The following SLC9A8 variants were observed in gnomAD, a reference collection of about 807,000 sequenced individuals.
SLC9A8 encodes the protein solute carrier family 9 member A8.
Under a neutral mutation model 66.6 loss-of-function variants are expected in SLC9A8, and 48 were observed. The ratio of observed to expected loss-of-function variants is 0.72; its 90% CI spans 0.57 to 0.92. The LOEUF (loss-of-function observed/expected upper bound fraction) is 0.92, where lower values mean the gene tolerates loss of function less well. Among genes scored for constraint, SLC9A8 ranks in the 40% least tolerant of loss-of-function variants. SLC9A8 has a pLI of 0.00. For synonymous variants in SLC9A8, 274 were observed against 282.6 expected (o/e 0.97, Z 0.31); for missense variants, 599 against 747.3 (o/e 0.80, Z 2.31).
In SLC9A8 at chr20:49,845,883, G is replaced by A. The variant is rs369102395; in HGVS notation, c.432+764G>A. On this transcript the variant is annotated intron_variant, in intron 5 of 15. Coordinates refer to ENST00000361573, the MANE Select transcript of SLC9A8 (RefSeq NM_015266.3). ...GGAGTCTCACTCTGTCACCCAGGCT[G>A]GAGTCCTGTGGCATGATCTCGGCTC... Among the ~76,000 whole-genome samples the A allele has an allele frequency of 7.2e-5, 11 of 152,098 alleles. 1 individual carries two copies. The highest frequency in any genetic ancestry group is 2.2e-4 in the African/African-American group (9 of 41,476).
At chr20:49,825,628 G>A (rs1003289098) in intron 3 of SLC9A8, among the ~76,000 whole-genome samples, 8 of 152,114 alleles carry the variant, frequency 5.3e-5, no homozygotes. Context: ...GGGTGACAGA[G>A]CAAGACTCTG....
chr20:49,839,535 T>C lies in SLC9A8; in HGVS notation c.290-6T>C. 4.6e-6 allele frequency: 7 copies of C among 1,511,466 alleles called. No individual in the cohort carries two copies. Among genetic ancestry groups the C allele is most frequent in the Non-Finnish European group, 6.4e-6 (7 of 1,094,344 alleles). The allele number at this position is 1,511,466 out of a possible 1,614,324, so 93.6% of individuals were successfully genotyped here. On this transcript the variant is annotated splice_polypyrimidine_tract_variant and splice_region_variant and intron_variant, in intron 3 of 15. Transcript: ENST00000361573. ...TTTATGTTAAAGTTTACATTTTCTCTTGTAGGTATTCTCATGGGAGCAGTT... is the reference window on the plus strand; with the variant it reads ...TTTATGTTAAAGTTTACATTTTCTCCTGTAGGTATTCTCATGGGAGCAGTT...
intron 3 of SLC9A8, among the ~76,000 whole-genome samples, chr20:49,834,000 G>A (rs2087319305): frequency 6.6e-6 from 1 of 151,586 alleles, no homozygotes; most frequent in Admixed American, 6.6e-5. Flanking sequence ...TGTAATCCCA[G>A]CACTTTGGGA....
chr20:49,878,154 G>T, intron 12 of SLC9A8, 91 bp downstream of exon 12: 1 of 725,302 alleles, frequency 1.4e-6, no homozygotes, highest in Non-Finnish European at 2.1e-6. Context: ...ACTGTTAACT[G>T]TTCAAAGTCA....
intron 8 of SLC9A8, among the ~76,000 whole-genome samples, chr20:49,856,691 G>A (rs985553326): frequency 1.3e-5 from 2 of 151,910 alleles, no homozygotes; most frequent in Non-Finnish European, 2.9e-5. Context: ...GCTTGGTGGC[G>A]GGTGCCTGTA....
intron 8 of SLC9A8, among the ~76,000 whole-genome samples, chr20:49,855,914 C>T (rs574021535): frequency 5.3e-5 from 8 of 152,260 alleles, no homozygotes; most frequent in African/African-American, 1.4e-4. Flanking sequence ...CTCAGCCTCC[C>T]GAGTAGCTGG....
intron 2 of SLC9A8, among the ~76,000 whole-genome samples, chr20:49,820,906 A>G (rs903870758): frequency 2.0e-5 from 3 of 152,146 alleles, no homozygotes; most frequent in Admixed American, 6.5e-5. Flanking sequence ...TTTTGATTTT[A>G]GTTTCCCTTG....
chr20:49,866,351 A>G (rs1250046039), intron 10 of SLC9A8, among the ~76,000 whole-genome samples: 1 of 152,176 alleles, frequency 6.6e-6, no homozygotes, highest in East Asian at 1.9e-4. Context: ...AACAGTGTGC[A>G]TGTGTTTTCA....
Position 49,884,289 on chromosome 20 carries a change from GACAC to G in SLC9A8, c.1491+268_1491+271del, listed in dbSNP as rs1176516884. 231 of 38,688 alleles carry G rather than the reference GACAC, an allele frequency of 6.0e-3. 10 individuals are homozygous for G. The highest frequency in any genetic ancestry group is 9.0e-3 in the Non-Finnish European group (170 of 18,916). The allele number at this position is 38,688 out of a possible 1,614,324, so 2.4% of individuals were successfully genotyped here. On this transcript the variant is annotated intron_variant, in intron 14 of 15. Transcript: ENST00000361573. The stretch of plus-strand genomic sequence containing the variant: ...ACACACACACGACACACACACACAC[GACAC>G]ACACACACACACACACACACACACA...
chr20:49,884,231 CACACACACACG>C (rs1260910355), intron 14 of SLC9A8, 165 bp downstream of exon 14: 26 of 223,610 alleles, frequency 1.2e-4, no homozygotes, highest in Middle Eastern at 9.3e-4. Context: ...CACACACACA[CACACACACACG>C]ACACACACAC....
At chr20:49,885,181 A>G (rs1022915565) in intron 14 of SLC9A8, among the ~76,000 whole-genome samples, 1 of 152,010 alleles carries the variant, frequency 6.6e-6, no homozygotes, top group Non-Finnish European at 1.5e-5. Context: ...CCCACCCCCT[A>G]TCTACCAACT....
At chr20:49,815,694 G>A (rs905720854) in intron 2 of SLC9A8, among the ~76,000 whole-genome samples, 4 of 151,902 alleles carry the variant, frequency 2.6e-5, no homozygotes, top group African/African-American at 4.8e-5. Context: ...GCAGTGAGCC[G>A]AGATCACGCC....
At chr20:49,848,550 G>T (rs1004782936) in intron 5 of SLC9A8, among the ~76,000 whole-genome samples, 1 of 152,180 alleles carries the variant, frequency 6.6e-6, no homozygotes. Flanking sequence ...ACAATCGGGG[G>T]TGATCAAAGA....
At chr20:49,878,887 T>A (rs1023166738) in intron 12 of SLC9A8, among the ~76,000 whole-genome samples, 1 of 152,040 alleles carries the variant, frequency 6.6e-6, no homozygotes, top group African/African-American at 2.4e-5. Context: ...CGTGGTGATA[T>A]GCGCCTGTAA....
In SLC9A8 at chr20:49,881,118, A is replaced by G; in HGVS notation, c.1270+83A>G. The G allele has an allele frequency of 3.0e-6, 3 of 1,014,136 alleles. No homozygotes were observed. The South Asian group carries it at 3.9e-5, about 13-fold the overall frequency. The allele number at this position is 1,014,136 out of a possible 1,614,324, so 62.8% of individuals were successfully genotyped here. ...ACAGGGAGAGCTGTGGTTCTCTGCTAGCGCCCTTGGCAAAACCACAAGTAA... is the reference window on the plus strand; with the variant it reads ...ACAGGGAGAGCTGTGGTTCTCTGCTGGCGCCCTTGGCAAAACCACAAGTAA... On this transcript the variant is annotated intron_variant, in intron 13 of 15. Transcript: ENST00000361573.
chr20:49,864,838 C>A lies in SLC9A8; in HGVS notation c.952C>A (p.Leu318Ile). 6.2e-7 allele frequency: 1 copy of A among 1,602,474 alleles called. No individual in the cohort carries two copies. Reference sequence around the variant, plus strand: ...TTATGGGCTTGCAGAAGGAATCTCACTCTCAGGTAAGTGACAGAGAGCCTG... The same window carrying A: ...TTATGGGCTTGCAGAAGGAATCTCAATCTCAGGTAAGTGACAGAGAGCCTG... ...LPYGLAEGISLSGIMAILFSG... is the reference protein window; with the variant it reads ...LPYGLAEGISISGIMAILFSG... Residue 318 changes from leucine to isoleucine, a missense_variant, in exon 10 of 16, where the codon CTC (leucine) becomes ATC (isoleucine). Physicochemically the swap from Leu to Ile is conservative, Grantham distance 5 (BLOSUM62 2). This residue lies in a region of SLC9A8 where 467 missense variants were observed against 626.5 expected (regional missense o/e 0.75). Coordinates refer to ENST00000361573, the MANE Select transcript of SLC9A8 (RefSeq NM_015266.3).
intron 3 of SLC9A8, chr20:49,830,087 C>A (rs1600662311): frequency 2.7e-6 from 2 of 739,736 alleles, no homozygotes; most frequent in Non-Finnish European, 5.0e-6. Flanking sequence ...TCATTTCCAT[C>A]ATTTCCTGCT....
chr20:49,855,705 C>G (rs1280408913), intron 8 of SLC9A8, 124 bp downstream of exon 8: 6 of 880,846 alleles, frequency 6.8e-6, no homozygotes, highest in Non-Finnish European at 8.6e-6. Flanking sequence ...ATCAGTTCAC[C>G]CACTCTCTTT....
rs377229667 is a variant in SLC9A8 at position 49,815,155 on chromosome 20, C to T, written c.174C>T (p.Ser58=). Reference sequence around the variant, plus strand: ...AGGCCCAGCAAGAGGAGCAGTCCAGCGGCATGACCATTTTCTTCAGCCTCC... The same window carrying T: ...AGGCCCAGCAAGAGGAGCAGTCCAGTGGCATGACCATTTTCTTCAGCCTCC... ...GEQAQQEEQS[S]GMTIFFSLLV... is the part of the protein sequence containing the mutation. Residue 58 remains serine, a synonymous_variant, in exon 2 of 16, where the codon AGC becomes AGT. Coordinates refer to ENST00000361573, the MANE Select transcript of SLC9A8 (RefSeq NM_015266.3). 2.5e-6 allele frequency: 4 copies of T among 1,581,318 alleles called. No individual in the cohort carries two copies. The highest frequency in any genetic ancestry group is 2.3e-5 in the South Asian group (2 of 87,374).
Sources: gnomAD v4.1 joint callset for allele counts (sites outside exome capture counted in the v4.1 genomes callset) on GRCh38, gnomAD v4.1.1 for gene constraint, gnomAD v4.1.1 regional missense constraint, MANE v1.5 for transcripts, NCBI Gene and HGNC (gene_info 2026-07-23, HGNC 2026-07-21) for gene names.